The following ADAMTS6 variants were observed in gnomAD, a reference collection of about 807,000 sequenced individuals.
ADAMTS6 encodes ADAM metallopeptidase with thrombospondin type 1 motif 6, also known as A disintegrin and metalloproteinase with thrombospondin motifs 6.
ADAMTS6 carries 23 observed loss-of-function variants against 144.3 expected under a neutral mutation model. The observed-to-expected ratio is 0.16, with a 90% CI of 0.11 to 0.23. The LOEUF (loss-of-function observed/expected upper bound fraction) is 0.23. ADAMTS6 is among the 10% of genes least tolerant of loss of function. The pLI, the probability that ADAMTS6 is intolerant of heterozygous loss-of-function variation, is 1.00. For synonymous variants in ADAMTS6, 444 were observed against 457.5 expected (o/e 0.97, Z 0.38); for missense variants, 999 against 1,379.6 (o/e 0.72, Z 4.37).
intron 20 of ADAMTS6, among the ~76,000 whole-genome samples, chr5:65,213,196 G>A (rs928261290): frequency 2.0e-5 from 3 of 152,132 alleles, no homozygotes; most frequent in Admixed American, 6.5e-5. Flanking sequence ...AATATGTCAC[G>A]AATTATACAT....
chr5:65,177,069 C>G (rs1317428064), intron 22 of ADAMTS6, among the ~76,000 whole-genome samples: 2 of 152,122 alleles, frequency 1.3e-5, no homozygotes, highest in Non-Finnish European at 2.9e-5. Context: ...TGAAGATCAC[C>G]TTCTCATCAA....
chr5:65,256,961 T>TCTCTCTCTC (rs1554056689), intron 14 of ADAMTS6, among the ~76,000 whole-genome samples: 7 of 118,042 alleles, frequency 5.9e-5, no homozygotes, highest in East Asian at 2.3e-4. Context: ...GGGTCACTTT[T>TCTCTCTCTC]TCTCTCTCTC....
chr5:65,343,695 T>A (rs2150078495), intron 7 of ADAMTS6, among the ~76,000 whole-genome samples: 1 of 151,962 alleles, frequency 6.6e-6, no homozygotes, highest in South Asian at 2.1e-4. Context: ...AATAAACAAA[T>A]GGAACTATAT....
At chr5:65,443,440 G>A (rs951013750) in intron 7 of ADAMTS6, among the ~76,000 whole-genome samples, 2 of 151,704 alleles carry the variant, frequency 1.3e-5, no homozygotes, top group African/African-American at 4.8e-5. Context: ...AAGCAATATA[G>A]TGAAACTCCA....
intron 7 of ADAMTS6, among the ~76,000 whole-genome samples, chr5:65,440,730 C>T (rs1757802608): frequency 6.6e-6 from 1 of 152,086 alleles, no homozygotes. Context: ...GGCCTAGATC[C>T]ACCCAGACCA....
At chr5:65,431,988 G>A (rs572000459) in intron 7 of ADAMTS6, among the ~76,000 whole-genome samples, 60 of 152,136 alleles carry the variant, frequency 3.9e-4, no homozygotes, top group Non-Finnish European at 5.4e-4. Flanking sequence ...GAGATTTTGC[G>A]AGAGGTGGGT....
At chr5:65,219,609 A>G (rs1186312046) in intron 18 of ADAMTS6, among the ~76,000 whole-genome samples, 2 of 152,166 alleles carry the variant, frequency 1.3e-5, no homozygotes, top group African/African-American at 2.4e-5. Flanking sequence ...GTATCTCACT[A>G]TGTTGCCCAG....
intron 7 of ADAMTS6, among the ~76,000 whole-genome samples, chr5:65,417,904 C>T (rs1755676566): frequency 6.6e-6 from 1 of 152,004 alleles, no homozygotes; most frequent in African/African-American, 2.4e-5. Context: ...CCAAAAAGGG[C>T]CCAAATAGCC....
At chr5:65,220,963 G>T (rs1757285152) in intron 18 of ADAMTS6, among the ~76,000 whole-genome samples, 1 of 152,074 alleles carries the variant, frequency 6.6e-6, no homozygotes, top group African/African-American at 2.4e-5. Context: ...AAAATATTAT[G>T]CATAATTTTA....
intron 1 of ADAMTS6, among the ~76,000 whole-genome samples, chr5:65,480,546 C>T (rs1197047495): frequency 6.6e-6 from 1 of 152,136 alleles, no homozygotes; most frequent in Non-Finnish European, 1.5e-5. Flanking sequence ...CCTCTCAGTG[C>T]GCTTTCTCAA....
At chr5:65,412,744 T>C (rs1755155571) in intron 7 of ADAMTS6, among the ~76,000 whole-genome samples, 1 of 152,058 alleles carries the variant, frequency 6.6e-6, no homozygotes, top group Non-Finnish European at 1.5e-5. Context: ...TGATATCAAA[T>C]AACAACTAAA....
At chr5:65,293,050 C>G (rs943586444) in intron 10 of ADAMTS6, among the ~76,000 whole-genome samples, 1 of 151,898 alleles carries the variant, frequency 6.6e-6, no homozygotes, top group Non-Finnish European at 1.5e-5. Context: ...GATATGCAAA[C>G]TTTAGGCAAA....
intron 1 of ADAMTS6, among the ~76,000 whole-genome samples, chr5:65,480,525 C>G (rs1248719241): frequency 6.6e-6 from 1 of 152,232 alleles, no homozygotes; most frequent in Admixed American, 6.5e-5. Context: ...AAGAAACTCA[C>G]TCTCTTGTTC....
chr5:65,389,179 G>A (rs1752714727), intron 7 of ADAMTS6, among the ~76,000 whole-genome samples: 2 of 151,968 alleles, frequency 1.3e-5, no homozygotes, highest in Admixed American at 1.3e-4. Flanking sequence ...ACTCCAGCCT[G>A]GGCGACAGAG....
chr5:65,330,928 AT>A (rs2150059503), intron 8 of ADAMTS6, among the ~76,000 whole-genome samples: 1 of 152,204 alleles, frequency 6.6e-6, no homozygotes, highest in South Asian at 2.1e-4. Context: ...TTTGGTTAAT[AT>A]TTAATATTTG....
chr5:65,363,745 G>A (rs1334374382), intron 7 of ADAMTS6, among the ~76,000 whole-genome samples: 1 of 152,080 alleles, frequency 6.6e-6, no homozygotes, highest in African/African-American at 2.4e-5. Context: ...AAGAATAAGA[G>A]ACTTTTAAAT....
intron 21 of ADAMTS6, among the ~76,000 whole-genome samples, chr5:65,194,302 A>G (rs1180449560): frequency 6.6e-6 from 1 of 152,208 alleles, no homozygotes; most frequent in Non-Finnish European, 1.5e-5. Flanking sequence ...CTACCCTAGC[A>G]ATATGAGGTA....
At chr5:65,224,795 A>G in intron 17 of ADAMTS6, 129 bp downstream of exon 17, 1 of 1,115,690 alleles carries the variant, frequency 9.0e-7, no homozygotes, top group African/African-American at 1.6e-5. Flanking sequence ...AATGACTGAA[A>G]GCAATTTGGG....
chr5:65,457,484 T>G (rs1759301945), intron 4 of ADAMTS6, among the ~76,000 whole-genome samples: 2 of 152,138 alleles, frequency 1.3e-5, no homozygotes, highest in South Asian at 4.1e-4. Flanking sequence ...GGAGAAGTGC[T>G]TGACTAATGC....
Sources: gnomAD v4.1 joint callset for allele counts (sites outside exome capture counted in the v4.1 genomes callset) on GRCh38, gnomAD v4.1.1 for gene constraint, MANE v1.5 for transcripts, NCBI Gene and HGNC (gene_info 2026-07-23, HGNC 2026-07-21) for gene names.